Variants in MED10 observed in about 807,000 individuals in gnomAD.
The protein encoded by MED10 is mediator complex subunit 10.
In MED10, 9 loss-of-function variants were observed where a neutral mutation model predicts 17.2. The ratio of observed to expected loss-of-function variants is 0.52; its 90% CI spans 0.31 to 0.91. The LOEUF (loss-of-function observed/expected upper bound fraction) is 0.91, where lower values mean the gene tolerates loss of function less well. Ranked by LOEUF, MED10 falls within the 40% of genes least tolerant of loss-of-function variation. MED10 has a pLI of 0.04. For missense variants in MED10, 129 were observed against 164.8 expected (o/e 0.78, Z 1.19); for synonymous variants, 66 against 59.8 (o/e 1.10, Z -0.48).
intron 1 of MED10, 99 bp downstream of exon 1, chr5:6,378,263 G>T (rs1001226019): frequency 7.1e-7 from 1 of 1,413,586 alleles, no homozygotes; most frequent in Non-Finnish European, 9.3e-7. Flanking sequence ...CACGAGTAGC[G>T]GTCAGGCTCG....
chr5:6,377,153 G>A lies in MED10; in HGVS notation c.206+13C>T, dbSNP rs551740375. 6 of 1,568,960 alleles carry A rather than the reference G, an allele frequency of 3.8e-6. No individual in the cohort carries two copies. The African/African-American group carries it at 5.4e-5, about 14-fold the overall frequency. On this transcript the variant is annotated intron_variant, in intron 2 of 3. Coordinates refer to ENST00000255764, the MANE Select transcript of MED10 (RefSeq NM_032286.3). Reference sequence around the variant, plus strand: ...GATTTATACCCAAGACTAATATCAAGAATGTTACTTACTCAAAAACTTCTA... The same window carrying A: ...GATTTATACCCAAGACTAATATCAAAAATGTTACTTACTCAAAAACTTCTA...
At chr5:6,376,150 G>C (rs1052116363) in intron 2 of MED10, among the ~76,000 whole-genome samples, 4 of 152,138 alleles carry the variant, frequency 2.6e-5, no homozygotes, top group African/African-American at 9.7e-5. Context: ...AAGGAACATG[G>C]GGCAAAGTCA....
At chr5:6,376,123 GC>G (rs1737982710) in intron 2 of MED10, among the ~76,000 whole-genome samples, 1 of 152,162 alleles carries the variant, frequency 6.6e-6, no homozygotes, top group Admixed American at 6.5e-5. Flanking sequence ...CCTCAGTGGT[GC>G]CCACTGAGCA....
At position 6,378,505 on chromosome 5, in the gene MED10, C is replaced by T. The variant is rs757055922; in HGVS notation, c.-22G>A. The stretch of plus-strand genomic sequence containing the variant: ...CCATCGCCTCGGCCCGTCCCCGACC[C>T]ACACAGCCTCAACCAGCAGCGCCGC... On this transcript the variant is annotated 5_prime_UTR_variant, in exon 1 of 4. Transcript: ENST00000255764. The T allele has an allele frequency of 6.2e-7, 1 of 1,605,192 alleles. No homozygotes were observed. The highest frequency in any genetic ancestry group is 8.5e-7 in the Non-Finnish European group (1 of 1,175,360).
chr5:6,375,070 A>C (rs192274485), intron 2 of MED10, among the ~76,000 whole-genome samples: 1 of 152,300 alleles, frequency 6.6e-6, no homozygotes, highest in Non-Finnish European at 1.5e-5. Flanking sequence ...ACTTAAATAT[A>C]ACAGAGACAT....
rs1272870675 is a variant in MED10 at position 6,372,472 on chromosome 5, A to AGCCTCACGCCGCATCGCAGTCCCG, written c.*30_*31insCGGGACTGCGATGCGGCGTGAGGC. On this transcript the variant is annotated 3_prime_UTR_variant, in exon 4 of 4. Transcript: ENST00000255764. ...CAGCCTCACGCCGCATCGCAGTCCC[A>AGCCTCACGCCGCATCGCAGTCCCG]GGGGATCTTCACACAGGGAGGGTGA... The AGCCTCACGCCGCATCGCAGTCCCG allele has an allele frequency of 1.3e-6, 2 of 1,590,480 alleles. No individual in the cohort carries two copies. The highest frequency in any genetic ancestry group is 1.7e-6 in the Non-Finnish European group (2 of 1,158,886).
At chr5:6,373,219 T>C (rs575978704) in intron 3 of MED10, among the ~76,000 whole-genome samples, 8 of 152,186 alleles carry the variant, frequency 5.3e-5, no homozygotes, top group Admixed American at 2.6e-4. Flanking sequence ...TGACAGCTCC[T>C]CCCCTTGCTC....
At chr5:6,374,592 A>G in intron 2 of MED10, 166 bp from the exon 3 acceptor site, 1 of 582,592 alleles carries the variant, frequency 1.7e-6, no homozygotes, top group East Asian at 2.9e-5. Flanking sequence ...CCTCATTTAC[A>G]CAAGTACAGA....
At chr5:6,376,520 C>G (rs1015567179) in intron 2 of MED10, among the ~76,000 whole-genome samples, 6 of 152,192 alleles carry the variant, frequency 3.9e-5, no homozygotes, top group African/African-American at 7.2e-5. Flanking sequence ...GTGACCAAAT[C>G]AATGCAAGAA....
At position 6,372,014 on chromosome 5, in the gene MED10, G is replaced by A. The variant is rs1737897796; in HGVS notation, c.*489C>T. On this transcript the variant is annotated 3_prime_UTR_variant, in exon 4 of 4. Transcript: ENST00000255764. ...AAAACATTCTTTATGCACTATACTT[G>A]AAAATGTAAAATATAATACCACTTA... The A allele has an allele frequency of 6.5e-6, 1 of 152,798 alleles. No homozygotes were observed. The highest frequency in any genetic ancestry group is 1.5e-5 in the Non-Finnish European group (1 of 68,558). The allele number at this position is 152,798 out of a possible 1,614,324, so 9.5% of individuals were successfully genotyped here. A position where few individuals can be genotyped will look rare whatever the true frequency, so the allele number is the denominator to read the frequency against.
At chr5:6,372,829 G>C (rs1038281833) in intron 3 of MED10, among the ~76,000 whole-genome samples, 7 of 152,314 alleles carry the variant, frequency 4.6e-5, no homozygotes, top group Admixed American at 4.6e-4. Context: ...GCACAGTTCT[G>C]TACTGCCCAA....
Position 6,377,146 on chromosome 5 carries a change from A to G in MED10, c.206+20T>C, listed in dbSNP as rs1236848821. On this transcript the variant is annotated intron_variant, in intron 2 of 3. Coordinates refer to ENST00000255764, the MANE Select transcript of MED10 (RefSeq NM_032286.3). ...TGAACAAGATTTATACCCAAGACTA[A>G]TATCAAGAATGTTACTTACTCAAAA... The G allele has an allele frequency of 1.3e-6, 2 of 1,535,546 alleles. No individual in the cohort carries two copies. The highest frequency in any genetic ancestry group is 1.8e-6 in the Non-Finnish European group (2 of 1,115,120).
intron 2 of MED10, among the ~76,000 whole-genome samples, chr5:6,376,231 C>T (rs1737985684): frequency 6.6e-6 from 1 of 152,346 alleles, no homozygotes; most frequent in Admixed American, 6.5e-5. Context: ...GCAGCTGCTG[C>T]ACTATAGCTA....
Position 6,372,469 on chromosome 5 carries a change from C to A in MED10, c.*34G>T. 1 of 1,588,470 alleles carries A rather than the reference C, an allele frequency of 6.3e-7. No individual in the cohort carries two copies. The highest frequency in any genetic ancestry group is 8.6e-7 in the Non-Finnish European group (1 of 1,156,862). ...TCCCAGCCTCACGCCGCATCGCAGT[C>A]CCAGGGGATCTTCACACAGGGAGGG... On this transcript the variant is annotated 3_prime_UTR_variant, in exon 4 of 4. Coordinates refer to ENST00000255764, the MANE Select transcript of MED10 (RefSeq NM_032286.3).
At chr5:6,376,958 CGTTTTGTAATGCCATTAGAACGGAA>C (rs1048896506) in intron 2 of MED10, 183 bp downstream of exon 2, 1 of 390,894 alleles carries the variant, frequency 2.6e-6, no homozygotes, top group African/African-American at 2.1e-5. Context: ...TCTTTTTTTT[CGTTTTGTAATGCCATTAGAACGGAA>C]GTTCCATAAG....
Position 6,378,412 on chromosome 5 carries a change from G to A in MED10, c.72C>T (p.Ile24=), listed in dbSNP as rs1465737631. 1.2e-6 allele frequency: 2 copies of A among 1,613,624 alleles called. No individual in the cohort carries two copies. The highest frequency in any genetic ancestry group is 3.3e-5 in the Admixed American group (2 of 60,008). The change falls in exon 1 of 4, where the codon ATC becomes ATT. Residue 24 remains isoleucine, a synonymous_variant. Transcript: ENST00000255764. ...TGCTGGGCTGGAAGTCACTGACGAT[G>A]ATGCCGAGCTGCCGAATGTTCTCCA... ...KFVENIRQLG[I]IVSDFQPSSQ...
At chr5:6,377,624 C>T (rs1366103949) in intron 1 of MED10, among the ~76,000 whole-genome samples, 2 of 152,178 alleles carry the variant, frequency 1.3e-5, no homozygotes, top group Non-Finnish European at 2.9e-5. Context: ...GGAAAGAAAG[C>T]CATACTGTCT....
intron 1 of MED10, among the ~76,000 whole-genome samples, chr5:6,377,611 G>C (rs1738023724): frequency 6.6e-6 from 1 of 152,214 alleles, no homozygotes; most frequent in African/African-American, 2.4e-5. Flanking sequence ...CTCAAAGTCT[G>C]AGGGAAAGAA....
chr5:6,372,724 C>CCTG, intron 3 of MED10, 123 bp from the exon 4 acceptor site: 1 of 687,224 alleles, frequency 1.5e-6, no homozygotes. Context: ...CGGGACTGAC[C>CCTG]TGAGACTTCC....
Sources: allele counts gnomAD v4.1 joint callset (sites outside exome capture counted in the v4.1 genomes callset), GRCh38; gene constraint gnomAD v4.1.1; transcripts MANE v1.5; gene names NCBI Gene and HGNC (gene_info 2026-07-23, HGNC 2026-07-21).